CCSER1: variants seen among roughly 807,000 people sequenced by gnomAD.
CCSER1 encodes the protein serine-rich coiled-coil domain-containing protein 1.
CCSER1 carries 41 observed loss-of-function variants against 82.0 expected under a neutral mutation model. That is an observed-to-expected ratio of 0.50 (90% confidence interval 0.39 to 0.65). The LOEUF (loss-of-function observed/expected upper bound fraction) is 0.65. Ranked by LOEUF, CCSER1 falls within the 30% of genes least tolerant of loss-of-function variation. The pLI is 0.00. For synonymous variants in CCSER1, 414 were observed against 383.9 expected (o/e 1.08, Z -0.92); for missense variants, 1,119 against 1,064.2 (o/e 1.05, Z -0.72).
At chr4:91,475,309 T>C (rs1757529143) in intron 10 of CCSER1, among the ~76,000 whole-genome samples, 1 of 151,876 alleles carries the variant, frequency 6.6e-6, no homozygotes, top group African/African-American at 2.4e-5. Context: ...GATATAGGGA[T>C]AGTAAATAAG....
chr4:90,839,098 G>A (rs1762233690), intron 8 of CCSER1: 1 of 1,268,428 alleles, frequency 7.9e-7, no homozygotes, highest in Non-Finnish European at 1.1e-6. Flanking sequence ...TCTGCGCAGT[G>A]GCCACCACCG....
chr4:90,514,837 G>A (rs1772038187), intron 5 of CCSER1, among the ~76,000 whole-genome samples: 1 of 151,524 alleles, frequency 6.6e-6, no homozygotes, highest in African/African-American at 2.4e-5. Context: ...ATAATTCATA[G>A]TTAATCTCTA....
At chr4:90,867,447 A>G (rs1765884884) in intron 8 of CCSER1, among the ~76,000 whole-genome samples, 1 of 152,124 alleles carries the variant, frequency 6.6e-6, no homozygotes, top group Admixed American at 6.6e-5. Context: ...GATATGTAAG[A>G]TATTTTGTTG....
intron 9 of CCSER1, among the ~76,000 whole-genome samples, chr4:90,980,347 A>G (rs1207400628): frequency 2.0e-5 from 3 of 151,842 alleles, no homozygotes; most frequent in African/African-American, 7.2e-5. Context: ...ATGTGTCTGC[A>G]GTGGACTGAG....
intron 6 of CCSER1, among the ~76,000 whole-genome samples, chr4:90,668,133 A>G (rs17017383): frequency 0.11 from 16,837 of 152,226 alleles, 1,121 homozygotes; most frequent in East Asian, 0.2. Context: ...TTTCTTTAAT[A>G]AAAACAGCCA....
At position 90,572,634 on chromosome 4, in the gene CCSER1, AT is replaced by A. The variant is rs570932860; in HGVS notation, c.1725-55384del. Among the ~76,000 whole-genome samples the A allele has an allele frequency of 3.3e-3, 491 of 149,770 alleles. 5 individuals carry two copies. The highest frequency in any genetic ancestry group is 4.1e-3 in the Non-Finnish European group (276 of 67,414). ...TTCTGCTCTTGATGCTTTCTACTGC[AT>A]TTTTTTCATTTATTGTAGTTTTCTT... is the stretch of plus-strand genomic sequence containing the variant. On this transcript the variant is annotated intron_variant, in intron 5 of 10. Transcript: ENST00000509176.
chr4:91,087,502 T>A (rs920756194), intron 10 of CCSER1, among the ~76,000 whole-genome samples: 2 of 152,092 alleles, frequency 1.3e-5, no homozygotes, highest in South Asian at 2.1e-4. Context: ...TACTTATAAG[T>A]AAGGAACATG....
At chr4:91,126,842 T>C (rs978075357) in intron 10 of CCSER1, among the ~76,000 whole-genome samples, 1 of 151,844 alleles carries the variant, frequency 6.6e-6, no homozygotes, top group South Asian at 2.1e-4. Flanking sequence ...TCAACAAAAA[T>C]CTATATTAAA....
intron 9 of CCSER1, among the ~76,000 whole-genome samples, chr4:90,963,674 A>C (rs62309777): frequency 0.28 from 42,195 of 151,886 alleles, 7,259 homozygotes; most frequent in East Asian, 0.4. Flanking sequence ...CAGAGGCCTC[A>C]AGTGAAACCA....
intron 1 of CCSER1, among the ~76,000 whole-genome samples, chr4:90,234,700 T>C (rs931920501): frequency 3.9e-5 from 6 of 152,186 alleles, no homozygotes; most frequent in African/African-American, 1.4e-4. Flanking sequence ...ATTTAAATTA[T>C]CTCATTAAAC....
intron 5 of CCSER1, among the ~76,000 whole-genome samples, chr4:90,527,177 G>A (rs2153628292): frequency 6.6e-6 from 1 of 152,130 alleles, no homozygotes; most frequent in Non-Finnish European, 1.5e-5. Flanking sequence ...CAGAATGGGA[G>A]AAAATTTTTG....
At chr4:91,421,382 C>T (rs6827393) in intron 10 of CCSER1, among the ~76,000 whole-genome samples, 1 of 152,118 alleles carries the variant, frequency 6.6e-6, no homozygotes, top group Non-Finnish European at 1.5e-5. Flanking sequence ...GGCCTGAGAA[C>T]CTTGTGGAGT....
intron 10 of CCSER1, among the ~76,000 whole-genome samples, chr4:91,184,361 G>A (rs1008997657): frequency 6.6e-6 from 1 of 152,182 alleles, no homozygotes; most frequent in Non-Finnish European, 1.5e-5. Flanking sequence ...TCAGCTAAAG[G>A]GGTAGTAAAG....
intron 10 of CCSER1, among the ~76,000 whole-genome samples, chr4:91,146,112 G>T (rs1352437462): frequency 6.6e-6 from 1 of 152,174 alleles, no homozygotes; most frequent in East Asian, 1.9e-4. Flanking sequence ...TGGAGGCTTT[G>T]TTCATTTTTT....
intron 8 of CCSER1, among the ~76,000 whole-genome samples, chr4:90,853,024 C>T (rs941294197): frequency 3.3e-5 from 5 of 151,410 alleles, no homozygotes; most frequent in African/African-American, 1.2e-4. Flanking sequence ...TGAGGAGGAG[C>T]GAGAGATAAA....
chr4:90,156,678 C>T (rs186772944), intron 1 of CCSER1, among the ~76,000 whole-genome samples: 4,441 of 152,004 alleles, frequency 0.029, 106 homozygotes, highest in South Asian at 0.06. Flanking sequence ...CTGTTTTATC[C>T]GAGACTGGGA....
chr4:91,462,287 T>A (rs370051432), intron 10 of CCSER1, among the ~76,000 whole-genome samples: 8 of 152,336 alleles, frequency 5.3e-5, no homozygotes, highest in African/African-American at 1.7e-4. Flanking sequence ...TATGTCATTA[T>A]ATTTTGTACG....
At chr4:90,779,244 G>C (rs1753407674) in intron 7 of CCSER1, among the ~76,000 whole-genome samples, 1 of 151,596 alleles carries the variant, frequency 6.6e-6, no homozygotes, top group Non-Finnish European at 1.5e-5. Flanking sequence ...TTATTTCTTT[G>C]AAATTTCTGT....
At chr4:91,482,639 G>A (rs1757998848) in intron 10 of CCSER1, among the ~76,000 whole-genome samples, 2 of 151,942 alleles carry the variant, frequency 1.3e-5, no homozygotes, top group Non-Finnish European at 2.9e-5. Context: ...AAAGACACAT[G>A]CACACGTATA....
Sources: gnomAD v4.1 joint callset for allele counts (sites outside exome capture counted in the v4.1 genomes callset) on GRCh38, gnomAD v4.1.1 for gene constraint, MANE v1.5 for transcripts, NCBI Gene and HGNC (gene_info 2026-07-23, HGNC 2026-07-21) for gene names.